The following CACNB4 variants were observed in gnomAD, a reference collection of about 807,000 sequenced individuals.
The protein encoded by CACNB4 is voltage-dependent L-type calcium channel subunit beta-4.
In CACNB4, 32 loss-of-function variants were observed where a neutral mutation model predicts 71.2. That is an observed-to-expected ratio of 0.45 (90% CI 0.34 to 0.60). CACNB4 has a LOEUF of 0.60. Among genes scored for constraint, CACNB4 ranks in the 20% least tolerant of loss-of-function variants. The pLI, the probability that CACNB4 is intolerant of heterozygous loss-of-function variation, is 0.01. For missense variants in CACNB4, 464 were observed against 647.9 expected, an observed-to-expected ratio of 0.72 and a Z score of 3.08; for synonymous variants, 231 against 236.9, an observed-to-expected ratio of 0.97 and a Z score of 0.23.
At chr2:151,974,553 A>G (rs1400961645) in intron 2 of CACNB4, among the ~76,000 whole-genome samples, 1 of 152,242 alleles carries the variant, frequency 6.6e-6, no homozygotes, top group African/African-American at 2.4e-5. Context: ...TAGATGTGAA[A>G]TGTTTAATGC....
chr2:152,002,089 G>C (rs1167114072), intron 2 of CACNB4, among the ~76,000 whole-genome samples: 1 of 152,196 alleles, frequency 6.6e-6, no homozygotes, highest in African/African-American at 2.4e-5. Context: ...GTGTGCTTCA[G>C]GCATGATCAT....
At chr2:151,839,576 GT>G (rs1343680123) in intron 13 of CACNB4, among the ~76,000 whole-genome samples, 197 bp from the exon 14 acceptor site, 1 of 152,208 alleles carries the variant, frequency 6.6e-6, no homozygotes, top group South Asian at 2.1e-4. Context: ...ATGCCAGAGT[GT>G]TGATAGTTTA....
intron 3 of CACNB4, 123 bp from the exon 4 acceptor site, chr2:151,881,045 T>A: frequency 1.0e-6 from 1 of 967,916 alleles, no homozygotes; most frequent in Non-Finnish European, 1.5e-6. Context: ...TCAAATGAGT[T>A]TTACATTCTC....
At chr2:151,961,449 G>A (rs77930157) in intron 2 of CACNB4, among the ~76,000 whole-genome samples, 2,373 of 152,272 alleles carry the variant, frequency 0.016, 26 homozygotes, top group Admixed American at 0.026. Flanking sequence ...GAAGGTCTTC[G>A]TCAAAGCAAC....
intron 4 of CACNB4, among the ~76,000 whole-genome samples, chr2:151,877,739 A>G (rs1394944991): frequency 2.0e-5 from 3 of 152,200 alleles, no homozygotes; most frequent in African/African-American, 4.8e-5. Context: ...AAATTTTGCA[A>G]ATAACTTCCA....
At chr2:152,048,108 G>A (rs1015662582) in intron 2 of CACNB4, among the ~76,000 whole-genome samples, 2 of 152,120 alleles carry the variant, frequency 1.3e-5, no homozygotes, top group African/African-American at 4.8e-5. Context: ...CTGACATCGT[G>A]GACCAGATGA....
intron 2 of CACNB4, among the ~76,000 whole-genome samples, chr2:151,979,936 G>A (rs1197383105): frequency 6.6e-6 from 1 of 152,174 alleles, no homozygotes; most frequent in Non-Finnish European, 1.5e-5. Context: ...GAGCAGGGCA[G>A]AAATAAATCA....
intron 2 of CACNB4, among the ~76,000 whole-genome samples, chr2:151,916,412 T>C (rs1285934706): frequency 6.6e-6 from 1 of 152,176 alleles, no homozygotes; most frequent in African/African-American, 2.4e-5. Flanking sequence ...TGTATTTACA[T>C]AAACACTTGG....
At chr2:151,910,984 G>A (rs935380377) in intron 2 of CACNB4, among the ~76,000 whole-genome samples, 6 of 152,120 alleles carry the variant, frequency 3.9e-5, no homozygotes, top group Non-Finnish European at 8.8e-5. Context: ...TTAAGCAGTA[G>A]TTTGTAGTTC....
chr2:152,002,017 G>A (rs1427341192), intron 2 of CACNB4, among the ~76,000 whole-genome samples: 1 of 152,178 alleles, frequency 6.6e-6, no homozygotes, highest in East Asian at 1.9e-4. Flanking sequence ...GTGATCCACA[G>A]CACACCAAAG....
chr2:151,863,389 T>G (rs1000753986), intron 9 of CACNB4, among the ~76,000 whole-genome samples: 2 of 152,126 alleles, frequency 1.3e-5, no homozygotes, highest in Non-Finnish European at 2.9e-5. Context: ...TTTGTGTTTT[T>G]GGGTTTCTGG....
In CACNB4 at chr2:151,983,675, T is replaced by TCACACACACA. The variant is rs1553803380; in HGVS notation, c.148-100315_148-100306dup. On this transcript the variant is annotated intron_variant, in intron 2 of 13. Coordinates refer to ENST00000539935, the MANE Select transcript of CACNB4 (RefSeq NM_000726.5). ...AGTATAAAAAAGCCATAAACTTTGG[T>TCACACACACA]CACACACACACACACACACACACAC... is the stretch of plus-strand genomic sequence containing the variant. 1.1e-3 allele frequency among the ~76,000 whole-genome samples: 157 copies of TCACACACACA among 141,532 alleles called. 1 individual carries two copies. The highest frequency in any genetic ancestry group is 3.9e-3 in the African/African-American group (148 of 38,124). The allele number at this position is 141,532 out of a possible 152,430, so 92.9% of individuals were successfully genotyped here. A position where few individuals can be genotyped will look rare whatever the true frequency, so the allele number is the denominator to read the frequency against.
chr2:151,902,814 T>C (rs1165213054), intron 2 of CACNB4, among the ~76,000 whole-genome samples: 3 of 152,122 alleles, frequency 2.0e-5, no homozygotes, highest in Non-Finnish European at 4.4e-5. Flanking sequence ...AAAATCCACC[T>C]AGTTTTCATC....
chr2:151,879,592 C>G (rs1008887186), intron 4 of CACNB4: 1 of 152,178 alleles, frequency 6.6e-6, no homozygotes, highest in Non-Finnish European at 1.5e-5. Flanking sequence ...CAGCTCTCTA[C>G]AGAGGTCACC....
chr2:151,906,664 C>T (rs989414466), intron 2 of CACNB4, among the ~76,000 whole-genome samples: 3 of 152,194 alleles, frequency 2.0e-5, no homozygotes, highest in African/African-American at 7.2e-5. Context: ...GGTGAAACTA[C>T]AGTCTTGTCC....
chr2:152,079,857 A>G lies in CACNB4; in HGVS notation c.147+18473T>C, dbSNP rs562889606. Among the ~76,000 whole-genome samples the G allele has an allele frequency of 2.6e-3, 403 of 152,302 alleles. 2 individuals are homozygous for G. Among genetic ancestry groups the G allele is most frequent in the African/African-American group, 9.0e-3 (373 of 41,584 alleles). ...GACCAGAAAAGTACATCCATCACCT[A>G]GAGTTCTGAAAAAGGCTGATGTCTG... On this transcript the variant is annotated intron_variant, in intron 2 of 13. Coordinates refer to ENST00000539935, the MANE Select transcript of CACNB4 (RefSeq NM_000726.5).
intron 5 of CACNB4, chr2:151,874,941 T>C (rs890288499): frequency 5.0e-6 from 2 of 399,010 alleles, no homozygotes; most frequent in African/African-American, 4.1e-5. Flanking sequence ...TTCACCCAAA[T>C]ACCAGGAGAC....
intron 2 of CACNB4, among the ~76,000 whole-genome samples, chr2:152,017,304 C>A (rs969433845): frequency 2.7e-5 from 4 of 150,022 alleles, no homozygotes; most frequent in African/African-American, 1.0e-4. Flanking sequence ...GTTCTGCAGA[C>A]CACATTTGAA....
intron 2 of CACNB4, among the ~76,000 whole-genome samples, chr2:152,047,618 G>C (rs538111413): frequency 2.0e-5 from 3 of 152,182 alleles, no homozygotes; most frequent in African/African-American, 7.2e-5. Flanking sequence ...TTGTAGCCAG[G>C]CACGGTGGCT....
Sources: allele counts gnomAD v4.1 joint callset (sites outside exome capture counted in the v4.1 genomes callset), GRCh38; gene constraint gnomAD v4.1.1; transcripts MANE v1.5; gene names NCBI Gene and HGNC (gene_info 2026-07-23, HGNC 2026-07-21).